ZHX3: variants seen among roughly 807,000 people sequenced by gnomAD.
The protein encoded by ZHX3 is zinc fingers and homeoboxes 3.
A neutral mutation model predicts 64.5 loss-of-function variants in ZHX3; 20 were observed. The ratio of observed to expected loss-of-function variants is 0.31; its 90% CI spans 0.22 to 0.45. ZHX3 has a LOEUF of 0.45. Ranked by LOEUF, ZHX3 falls within the 20% of genes least tolerant of loss-of-function variation. ZHX3 has a pLI of 1.00. For missense variants in ZHX3, 1,041 were observed against 1,195.8 expected, an observed-to-expected ratio of 0.87 and a Z score of 1.91; for synonymous variants, 423 against 461.6, an observed-to-expected ratio of 0.92 and a Z score of 1.07.
Position 41,304,335 on chromosome 20 carries a change from T to C in ZHX3, c.-245+13174A>G, listed in dbSNP as rs572364435. Among the ~76,000 whole-genome samples the C allele has an allele frequency of 5.9e-5, 9 of 152,260 alleles. No individual in the cohort carries two copies. In the South Asian group the frequency reaches 1.9e-3, roughly 32 times the overall value. ...GTGTGTAGCTGTGGAAGTGTAGCTATATCTCCACAGTCCAGACCACTCATG... is the reference window on the plus strand; with the variant it reads ...GTGTGTAGCTGTGGAAGTGTAGCTACATCTCCACAGTCCAGACCACTCATG... On this transcript the variant is annotated intron_variant, in intron 1 of 3. Coordinates refer to ENST00000683867, the MANE Select transcript of ZHX3 (RefSeq NM_001384317.1).
chr20:41,205,974 A>C (rs1291623986), intron 2 of ZHX3, among the ~76,000 whole-genome samples: 1 of 152,186 alleles, frequency 6.6e-6, no homozygotes, highest in Non-Finnish European at 1.5e-5. Context: ...AGACAGCAAC[A>C]TCTGCCGTTC....
At chr20:41,300,801 C>A (rs980563884) in intron 1 of ZHX3, among the ~76,000 whole-genome samples, 1 of 152,150 alleles carries the variant, frequency 6.6e-6, no homozygotes, top group East Asian at 1.9e-4. Flanking sequence ...GGAATGCTAA[C>A]ATTTCAGGGC....
chr20:41,315,856 G>T (rs536772194), intron 1 of ZHX3, among the ~76,000 whole-genome samples: 104 of 151,584 alleles, frequency 6.9e-4, no homozygotes, highest in African/African-American at 1.8e-3. Flanking sequence ...GGATTATGGG[G>T]TTTTTTTTGT....
chr20:41,217,895 C>G (rs2039641056), intron 2 of ZHX3, among the ~76,000 whole-genome samples: 1 of 152,164 alleles, frequency 6.6e-6, no homozygotes, highest in Non-Finnish European at 1.5e-5. Context: ...TTCTGAATAC[C>G]AACTAAACAA....
chr20:41,187,333 A>G (rs1355359312), intron 3 of ZHX3, among the ~76,000 whole-genome samples: 1 of 151,704 alleles, frequency 6.6e-6, no homozygotes, highest in Non-Finnish European at 1.5e-5. Flanking sequence ...CAAAAAAAAA[A>G]AAAAAAAAAA....
chr20:41,294,140 A>C (rs572759377), intron 1 of ZHX3, among the ~76,000 whole-genome samples: 1 of 152,332 alleles, frequency 6.6e-6, no homozygotes, highest in South Asian at 2.1e-4. Context: ...GTAGTAGCTC[A>C]GGGGACTAAC....
At position 41,205,025 on chromosome 20, in the gene ZHX3, C is replaced by T; in HGVS notation, c.-109G>A. On this transcript the variant is annotated 5_prime_UTR_variant, in exon 3 of 4. Transcript: ENST00000683867. ...CCAAAGAAACAGTTTCTAAATGCAG[C>T]TTTTTCAGTTGTTTGCAGAAAGCAG... 1.5e-6 allele frequency: 2 copies of T among 1,377,502 alleles called. No homozygotes were observed. The highest frequency in any genetic ancestry group is 9.4e-7 in the Non-Finnish European group (1 of 1,064,916). 85.3% of individuals were successfully genotyped at this position (1,377,502 alleles called of 1,614,324 possible).
intron 1 of ZHX3, among the ~76,000 whole-genome samples, chr20:41,280,572 T>A (rs1439714545): frequency 6.6e-6 from 1 of 152,150 alleles, no homozygotes; most frequent in Non-Finnish European, 1.5e-5. Flanking sequence ...TATGTTTTTC[T>A]GTTTTTTTGT....
chr20:41,231,578 GCTGA>G (rs1322671271), intron 2 of ZHX3, among the ~76,000 whole-genome samples: 3 of 151,988 alleles, frequency 2.0e-5, no homozygotes, highest in Non-Finnish European at 4.4e-5. Context: ...TTTGTATGTG[GCTGA>G]CTTTCTCTCC....
At chr20:41,221,512 CA>C (rs577255686) in intron 2 of ZHX3, among the ~76,000 whole-genome samples, 5 of 148,304 alleles carry the variant, frequency 3.4e-5, no homozygotes, top group Non-Finnish European at 6.0e-5. Flanking sequence ...ATGGGGAAGA[CA>C]AAAAAAAATA....
Position 41,232,292 on chromosome 20 carries a change from A to G in ZHX3, c.-150-27226T>C, listed in dbSNP as rs979718965. Among the ~76,000 whole-genome samples the G allele has an allele frequency of 2.1e-5, 3 of 144,516 alleles. No homozygotes were observed. Among genetic ancestry groups the G allele is most frequent in the African/African-American group, 7.6e-5 (3 of 39,534 alleles). The allele number at this position is 144,516 out of a possible 152,430, so 94.8% of individuals were successfully genotyped here. ...GAAAATGGACTTACGCTGCAGCATA[A>G]AAAAAAAAAAAAGGTCTAGTTTTAA... On this transcript the variant is annotated intron_variant, in intron 2 of 3. Transcript: ENST00000683867. This position sits in a 1 kb window ranked among gnomAD's most constrained non-coding sequence, Gnocchi z 5.0.
intron 2 of ZHX3, among the ~76,000 whole-genome samples, chr20:41,240,881 A>G (rs2041336572): frequency 6.6e-6 from 1 of 152,260 alleles, no homozygotes; most frequent in Non-Finnish European, 1.5e-5. Flanking sequence ...TTCATTGTGT[A>G]TATGTACTAC....
At chr20:41,286,796 G>GA (rs1481676017) in intron 1 of ZHX3, among the ~76,000 whole-genome samples, 1 of 152,178 alleles carries the variant, frequency 6.6e-6, no homozygotes, top group African/African-American at 2.4e-5. Context: ...CATGTCAAAG[G>GA]AGGGACCTGG....
chr20:41,264,917 A>C (rs1460687375), intron 2 of ZHX3, among the ~76,000 whole-genome samples: 2 of 152,178 alleles, frequency 1.3e-5, no homozygotes, highest in Non-Finnish European at 2.9e-5. Context: ...ACTAATAATA[A>C]AGGTATATTT....
rs1303334487 is a variant in ZHX3, at chr20:41,195,703, A to C, written c.2860+6354T>G. Among the ~76,000 whole-genome samples the C allele has an allele frequency of 6.6e-6, 1 of 152,250 alleles. No individual in the cohort carries two copies. The highest frequency in any genetic ancestry group is 2.4e-5 in the African/African-American group (1 of 41,466). Reference sequence around the variant, plus strand: ...AGTGTGGGGATTACAGGCATAAGCCACTGCGCCCAGCGTAAGTTCTCTTTT... The same window carrying C: ...AGTGTGGGGATTACAGGCATAAGCCCCTGCGCCCAGCGTAAGTTCTCTTTT... On this transcript the variant is annotated intron_variant, in intron 3 of 3. Transcript: ENST00000683867. This position sits in a 1 kb window ranked among gnomAD's most constrained non-coding sequence, Gnocchi z 4.2.
At chr20:41,244,739 A>G (rs1392761345) in intron 2 of ZHX3, among the ~76,000 whole-genome samples, 3 of 152,220 alleles carry the variant, frequency 2.0e-5, no homozygotes. Flanking sequence ...TAGAATAGTC[A>G]TAATGAACCT....
intron 2 of ZHX3, among the ~76,000 whole-genome samples, chr20:41,262,169 C>T (rs539158539): frequency 2.0e-4 from 30 of 152,214 alleles, no homozygotes; most frequent in Non-Finnish European, 3.8e-4. Context: ...CACCTCTTAT[C>T]TGGACAACTG....
chr20:41,292,938 A>G (rs2044322876), intron 1 of ZHX3, among the ~76,000 whole-genome samples: 5 of 152,238 alleles, frequency 3.3e-5, no homozygotes, highest in South Asian at 4.1e-4. Flanking sequence ...AAAAGGTCCA[A>G]TTGAACATAC....
Position 41,256,943 on chromosome 20 carries a change from T to C in ZHX3, c.-151+12047A>G, listed in dbSNP as rs531405107. ...TTCATCCCTCAGCCCCCTCCCACCT[T>C]TTGGAGCCTCCAATGCCTATTACTC... On this transcript the variant is annotated intron_variant, in intron 2 of 3. Transcript: ENST00000683867. Among the ~76,000 whole-genome samples the C allele has an allele frequency of 2.0e-5, 3 of 152,168 alleles. No homozygotes were observed. The South Asian group carries it at 6.2e-4, about 32-fold the overall frequency.
Sources: allele counts gnomAD v4.1 joint callset (sites outside exome capture counted in the v4.1 genomes callset), GRCh38; gene constraint gnomAD v4.1.1; non-coding constraint Gnocchi (gnomAD v3.1); transcripts MANE v1.5; gene names NCBI Gene and HGNC (gene_info 2026-07-23, HGNC 2026-07-21).